The following PKN2 variants were observed in gnomAD, a reference collection of about 807,000 sequenced individuals.
PKN2 encodes the protein protein kinase N2.
A neutral mutation model predicts 119.1 loss-of-function variants in PKN2; 38 were observed. The ratio of observed to expected loss-of-function variants is 0.32; its 90% CI spans 0.25 to 0.42. The LOEUF (loss-of-function observed/expected upper bound fraction) is 0.42. Among genes scored for constraint, PKN2 ranks in the 10% least tolerant of loss-of-function variants. The pLI is 1.00. For missense variants in PKN2, 850 were observed against 1,165.1 expected, an observed-to-expected ratio of 0.73 and a Z score of 3.94; for synonymous variants, 390 against 384.9, an observed-to-expected ratio of 1.01 and a Z score of -0.15.
chr1:88,802,384 G>A (rs1671352264), intron 8 of PKN2, among the ~76,000 whole-genome samples: 1 of 150,864 alleles, frequency 6.6e-6, no homozygotes, highest in Admixed American at 6.6e-5. Context: ...GGAGTGTAGT[G>A]GCATGATCTT....
At chr1:88,770,271 C>T (rs775140047) in intron 3 of PKN2, 81 bp from the exon 4 acceptor site, 39 of 746,428 alleles carry the variant, frequency 5.2e-5, no homozygotes, top group Non-Finnish European at 8.9e-5. Context: ...GCTGATATAT[C>T]ACTTGATCTG....
chr1:88,777,421 T>C (rs2100814684), intron 6 of PKN2, among the ~76,000 whole-genome samples: 1 of 152,312 alleles, frequency 6.6e-6, no homozygotes, highest in East Asian at 1.9e-4. Flanking sequence ...ATTTCTTTTT[T>C]CTGTGAACTG....
intron 1 of PKN2, among the ~76,000 whole-genome samples, chr1:88,730,332 G>C (rs559037477): frequency 3.9e-5 from 6 of 152,132 alleles, no homozygotes; most frequent in Admixed American, 6.5e-5. Context: ...ACAAGAAGTA[G>C]AAAGGTAGCC....
intron 16 of PKN2, among the ~76,000 whole-genome samples, chr1:88,814,742 A>G (rs1038675088): frequency 1.3e-5 from 2 of 150,470 alleles, no homozygotes; most frequent in Non-Finnish European, 2.9e-5. Flanking sequence ...TCAACACTCA[A>G]ACTATTAGCA....
At position 88,750,377 on chromosome 1, in the gene PKN2, T is replaced by A. The variant is rs531142269; in HGVS notation, c.349+9089T>A. Among the ~76,000 whole-genome samples, 6 of 152,298 alleles carry A rather than the reference T, an allele frequency of 3.9e-5. No individual in the cohort carries two copies. In the East Asian group the frequency reaches 7.7e-4, roughly 20 times the overall value. On this transcript the variant is annotated intron_variant, in intron 2 of 21. Coordinates refer to ENST00000370521, the MANE Select transcript of PKN2 (RefSeq NM_006256.4). ...CTGTGTTCTAGAACTCTGTTTCATC[T>A]TGTAAGCCAACTGCTGAGTTGTGGT... is the stretch of plus-strand genomic sequence containing the variant.
chr1:88,824,319 A>G lies in PKN2; in HGVS notation c.2352A>G (p.Lys784=). 6.3e-7 allele frequency: 1 copy of G among 1,575,276 alleles called. No individual in the cohort carries two copies. Among genetic ancestry groups the G allele is most frequent in the Non-Finnish European group, 8.7e-7 (1 of 1,147,928 alleles). The change falls in exon 18 of 22, where the codon AAA becomes AAG. Residue 784 remains lysine, a synonymous_variant. Transcript: ENST00000370521. ...TTTTTATCCTGAACAGAGATTTGAA[A>G]TTGGATAACTTATTGCTAGATACAG... is the stretch of plus-strand genomic sequence containing the variant. The part of the protein sequence containing the change: ...HEHKIVYRDL[K]LDNLLLDTEG...
At chr1:88,724,882 G>GTTTTTTTTTTTTTTTTTTT (rs60507382) in intron 1 of PKN2, among the ~76,000 whole-genome samples, 2 of 106,012 alleles carry the variant, frequency 1.9e-5, no homozygotes, top group African/African-American at 4.3e-5. Flanking sequence ...CCACCCCTTG[G>GTTTTTTTTTTTTTTTTTTT]TTTTTTTTTT....
intron 8 of PKN2, among the ~76,000 whole-genome samples, chr1:88,788,804 C>T (rs1283349627): frequency 6.6e-6 from 1 of 152,042 alleles, no homozygotes; most frequent in Non-Finnish European, 1.5e-5. Flanking sequence ...TCTATTCTGT[C>T]GGGTTACTCT....
chr1:88,800,498 A>G (rs1007299489), intron 8 of PKN2, among the ~76,000 whole-genome samples: 7 of 152,144 alleles, frequency 4.6e-5, no homozygotes, highest in African/African-American at 1.7e-4. Flanking sequence ...CCACCTTAGC[A>G]AAGATGGGTT....
intron 3 of PKN2, among the ~76,000 whole-genome samples, chr1:88,760,606 G>A (rs1669404262): frequency 6.6e-6 from 1 of 152,026 alleles, no homozygotes; most frequent in Non-Finnish European, 1.5e-5. Flanking sequence ...TTAAGCTATG[G>A]TACACTAAAA....
At chr1:88,829,151 CATGT>C (rs1163972476) in intron 19 of PKN2, 2 of 739,194 alleles carry the variant, frequency 2.7e-6, no homozygotes, top group Non-Finnish European at 5.1e-6. Context: ...GCCCTGATGC[CATGT>C]ATGTCAAATT....
chr1:88,806,885 G>A (rs1178599533), intron 12 of PKN2, among the ~76,000 whole-genome samples: 1 of 151,590 alleles, frequency 6.6e-6, no homozygotes, highest in Non-Finnish European at 1.5e-5. Context: ...ACGCCCACTA[G>A]TTTTGTATTT....
intron 1 of PKN2, among the ~76,000 whole-genome samples, chr1:88,733,639 C>T (rs1319341905): frequency 6.6e-6 from 1 of 152,122 alleles, no homozygotes; most frequent in African/African-American, 2.4e-5. Flanking sequence ...GGCATCCTTG[C>T]TCTGTTGATT....
chr1:88,760,425 AT>A, intron 3 of PKN2, 49 bp downstream of exon 3: 1 of 1,054,796 alleles, frequency 9.5e-7, no homozygotes, highest in Non-Finnish European at 1.4e-6. Flanking sequence ...TTATTTGCAG[AT>A]TCCATAGTTA....
chr1:88,735,450 T>C (rs1668300116), intron 1 of PKN2, among the ~76,000 whole-genome samples: 2 of 138,430 alleles, frequency 1.4e-5, no homozygotes, highest in Non-Finnish European at 3.2e-5. Context: ...ATGTGAACCA[T>C]TGTTCCTGGC....
intron 12 of PKN2, among the ~76,000 whole-genome samples, chr1:88,806,506 T>C (rs1193657454): frequency 6.6e-6 from 1 of 151,920 alleles, no homozygotes. Context: ...TCAGCTAAAT[T>C]AGACTGAGTT....
Position 88,759,706 on chromosome 1 carries a change from T to C in PKN2, c.350-516T>C, listed in dbSNP as rs764332124. ...GATCCCATTTGTCAATTTTTACTTT[T>C]GTTGCAATTGCTTCAGAGAATATTA... is the stretch of plus-strand genomic sequence containing the variant. On this transcript the variant is annotated intron_variant, in intron 2 of 21. Coordinates refer to ENST00000370521, the MANE Select transcript of PKN2 (RefSeq NM_006256.4). Among the ~76,000 whole-genome samples, 68 of 152,214 alleles carry C rather than the reference T, an allele frequency of 4.5e-4. 2 individuals carry two copies. Among genetic ancestry groups the C allele is most frequent in the Admixed American group, 7.9e-4 (12 of 15,282 alleles).
chr1:88,737,956 C>T (rs760827448), intron 1 of PKN2, among the ~76,000 whole-genome samples: 3 of 152,128 alleles, frequency 2.0e-5, no homozygotes, highest in Non-Finnish European at 2.9e-5. Flanking sequence ...GGTTCCTTGG[C>T]TCTTGCGAAG....
chr1:88,742,092 T>TA (rs1668599072), intron 2 of PKN2, among the ~76,000 whole-genome samples: 2 of 152,118 alleles, frequency 1.3e-5, no homozygotes, highest in African/African-American at 2.4e-5. Context: ...TACAAAAACT[T>TA]ACGTTTAAGT....
Sources: gnomAD v4.1 joint callset for allele counts (sites outside exome capture counted in the v4.1 genomes callset) on GRCh38, gnomAD v4.1.1 for gene constraint, MANE v1.5 for transcripts, NCBI Gene and HGNC (gene_info 2026-07-23, HGNC 2026-07-21) for gene names.